Variants in MARCHF1 observed in about 807,000 individuals in gnomAD.
MARCHF1 encodes the protein E3 ubiquitin-protein ligase MARCHF1.
MARCHF1 carries 40 observed loss-of-function variants against 54.2 expected under a neutral mutation model. The observed-to-expected ratio is 0.74, with a 90% CI of 0.57 to 0.96. MARCHF1 has a LOEUF of 0.96. Ranked by LOEUF, MARCHF1 falls within the 40% of genes least tolerant of loss-of-function variation. MARCHF1 has a pLI of 0.00. For missense variants in MARCHF1, 586 were observed against 656.5 expected (o/e 0.89, Z 1.17); for synonymous variants, 236 against 236.3 (o/e 1.00, Z 0.01).
chr4:164,244,889 T>C (rs1274792685), intron 1 of MARCHF1, among the ~76,000 whole-genome samples: 1 of 151,400 alleles, frequency 6.6e-6, no homozygotes, highest in African/African-American at 2.4e-5. Context: ...ACACATACAC[T>C]CTCCCAAGAC....
chr4:163,986,249 C>CTTTTTTTTTTTTT lies in MARCHF1; in HGVS notation c.-39+2239_-39+2251dup, dbSNP rs869081083. Among the ~76,000 whole-genome samples, 225 of 28,814 alleles carry CTTTTTTTTTTTTT rather than the reference C, an allele frequency of 7.8e-3. 47 individuals are homozygous for CTTTTTTTTTTTTT. Among genetic ancestry groups the CTTTTTTTTTTTTT allele is most frequent in the Admixed American group, 9.6e-3 (17 of 1,778 alleles). The allele number at this position is 28,814 out of a possible 152,430, so 18.9% of individuals were successfully genotyped here. On this transcript the variant is annotated intron_variant, in intron 3 of 9. Coordinates refer to ENST00000514618, the MANE Select transcript of MARCHF1 (RefSeq NM_001394959.1). ...TTCCTTTTCTCCTAATTAACCTCTTCTTTTTTTTTTTTTTTTTTTTTTTTT... is the reference window on the plus strand; with the variant it reads ...TTCCTTTTCTCCTAATTAACCTCTTCTTTTTTTTTTTTTTTTTTTTTTTTTTTTTTTTTTTTTT...
chr4:163,941,267 C>G (rs896602176), intron 3 of MARCHF1, among the ~76,000 whole-genome samples: 5 of 152,138 alleles, frequency 3.3e-5, no homozygotes, highest in East Asian at 1.9e-4. Flanking sequence ...CAAACTCAGT[C>G]TTAGCTGTGG....
chr4:163,847,113 C>A (rs1560785587), intron 4 of MARCHF1, among the ~76,000 whole-genome samples: 1 of 152,226 alleles, frequency 6.6e-6, no homozygotes, highest in Non-Finnish European at 1.5e-5. Context: ...CTATGAGTAA[C>A]AAGAACTAGA....
At chr4:164,106,601 C>T (rs1421329372) in intron 2 of MARCHF1, among the ~76,000 whole-genome samples, 1 of 144,908 alleles carries the variant, frequency 6.9e-6, no homozygotes, top group Non-Finnish European at 1.5e-5. Flanking sequence ...GAATATCACA[C>T]TCTGGGGACT....
At chr4:163,629,797 GT>G (rs1173449318) in intron 5 of MARCHF1, among the ~76,000 whole-genome samples, 1 of 150,596 alleles carries the variant, frequency 6.6e-6, no homozygotes, top group Non-Finnish European at 1.5e-5. Flanking sequence ...AAATCTGCAC[GT>G]TCTGCACATG....
intron 1 of MARCHF1, among the ~76,000 whole-genome samples, chr4:164,244,153 C>A (rs1345689415): frequency 6.6e-6 from 1 of 151,952 alleles, no homozygotes; most frequent in African/African-American, 2.4e-5. Flanking sequence ...ACAGAATATA[C>A]ATTTTTTTCA....
At position 163,711,404 on chromosome 4, in the gene MARCHF1, C is replaced by A. The variant is rs116249484; in HGVS notation, c.112-10541G>T. ...ATTTTCACAGGTGTGCTAGGTGTAT[C>A]TTCCACCAGTCCGTGTAGATCCATG... On this transcript the variant is annotated intron_variant, in intron 4 of 9. Coordinates refer to ENST00000514618, the MANE Select transcript of MARCHF1 (RefSeq NM_001394959.1). 4.7e-3 allele frequency among the ~76,000 whole-genome samples: 710 copies of A among 152,230 alleles called. 7 individuals are homozygous for A. The highest frequency in any genetic ancestry group is 0.017 in the African/African-American group (687 of 41,522).
At chr4:164,135,740 T>C (rs76310953) in intron 1 of MARCHF1, among the ~76,000 whole-genome samples, 1 of 152,236 alleles carries the variant, frequency 6.6e-6, no homozygotes, top group Non-Finnish European at 1.5e-5. Flanking sequence ...AGTTACTTAA[T>C]GCATAACTGC....
intron 2 of MARCHF1, among the ~76,000 whole-genome samples, chr4:164,023,259 T>A (rs542558933): frequency 1.3e-5 from 2 of 152,134 alleles, no homozygotes; most frequent in Non-Finnish European, 2.9e-5. Flanking sequence ...AAAAGAAATA[T>A]GACTGTGTCA....
intron 3 of MARCHF1, among the ~76,000 whole-genome samples, chr4:163,890,366 T>TTC (rs887879468): frequency 7.0e-5 from 3 of 42,876 alleles, no homozygotes; most frequent in African/African-American, 1.1e-4. Flanking sequence ...TAAATGGGCT[T>TTC]TCTCTCTCTC....
chr4:163,991,344 T>TAAATTCTAATACTTCGC (rs1369575355), intron 2 of MARCHF1, among the ~76,000 whole-genome samples: 1 of 152,200 alleles, frequency 6.6e-6, no homozygotes, highest in Non-Finnish European at 1.5e-5. Context: ...TAATACTTTG[T>TAAATTCTAATACTTCGC]ACATTCTAAT....
chr4:164,171,229 A>C (rs896010859), intron 1 of MARCHF1, among the ~76,000 whole-genome samples: 14 of 152,152 alleles, frequency 9.2e-5, no homozygotes, highest in African/African-American at 3.1e-4. Context: ...ATTCCTTTTC[A>C]GTGTGAATAC....
intron 7 of MARCHF1, among the ~76,000 whole-genome samples, chr4:163,592,950 A>G (rs995308605): frequency 6.6e-6 from 1 of 152,118 alleles, no homozygotes; most frequent in Non-Finnish European, 1.5e-5. Flanking sequence ...AGATCAGCTC[A>G]GACTGTCCAA....
chr4:163,860,554 G>A (rs1749900553), intron 3 of MARCHF1, among the ~76,000 whole-genome samples: 1 of 152,086 alleles, frequency 6.6e-6, no homozygotes, highest in Non-Finnish European at 1.5e-5. Context: ...TGCCTATGGT[G>A]GGGAGGGAAG....
At chr4:164,293,134 G>A (rs1390929346) in intron 1 of MARCHF1, among the ~76,000 whole-genome samples, 3 of 151,950 alleles carry the variant, frequency 2.0e-5, no homozygotes, top group Non-Finnish European at 4.4e-5. Flanking sequence ...AATAGTAATT[G>A]TTAAATTAAA....
intron 2 of MARCHF1, among the ~76,000 whole-genome samples, chr4:164,029,045 G>C (rs1464483566): frequency 6.6e-6 from 1 of 152,142 alleles, no homozygotes; most frequent in African/African-American, 2.4e-5. Flanking sequence ...TTTGTACATA[G>C]CAACCATTAA....
chr4:164,057,192 G>T (rs1754511988), intron 2 of MARCHF1, among the ~76,000 whole-genome samples: 1 of 152,130 alleles, frequency 6.6e-6, no homozygotes, highest in Non-Finnish European at 1.5e-5. Context: ...TAATGTAGCT[G>T]GTCTTGCTCA....
chr4:164,162,459 G>A (rs1730263701), intron 1 of MARCHF1, among the ~76,000 whole-genome samples: 1 of 152,122 alleles, frequency 6.6e-6, no homozygotes, highest in Non-Finnish European at 1.5e-5. Context: ...TGCCTGACAG[G>A]AGCCGTGACC....
rs1035263907 is a variant in MARCHF1 at position 164,379,521 on chromosome 4, G to A, written c.-323+4349C>T. 3.9e-5 allele frequency among the ~76,000 whole-genome samples: 6 copies of A among 152,138 alleles called. No individual in the cohort carries two copies. In the East Asian group the frequency reaches 1.2e-3, roughly 29 times the overall value. Reference sequence around the variant, plus strand: ...AGATAACAATCCACAAATTCAAGAAGCTCTGCAAACTTGGAGGATAAATCC... The same window carrying A: ...AGATAACAATCCACAAATTCAAGAAACTCTGCAAACTTGGAGGATAAATCC... On this transcript the variant is annotated intron_variant, in intron 1 of 9. Transcript: ENST00000514618.
Sources: gnomAD v4.1 joint callset for allele counts (sites outside exome capture counted in the v4.1 genomes callset) on GRCh38, gnomAD v4.1.1 for gene constraint, MANE v1.5 for transcripts, NCBI Gene and HGNC (gene_info 2026-07-23, HGNC 2026-07-21) for gene names.